CCDC83: variants seen among roughly 807,000 people sequenced by gnomAD.
CCDC83 encodes coiled-coil domain-containing protein 83.
CCDC83 carries 54 observed loss-of-function variants against 50.1 expected under a neutral mutation model. The ratio of observed to expected loss-of-function variants is 1.08; its 90% CI spans 0.87 to 1.35. CCDC83 has a LOEUF of 1.35. Ranked by LOEUF, CCDC83 falls within the 40% of genes most tolerant of loss-of-function variation. CCDC83 has a pLI of 0.00. For missense variants in CCDC83, 518 were observed against 473.9 expected, an observed-to-expected ratio of 1.09 and a Z score of -0.86; for synonymous variants, 161 against 153.3, an observed-to-expected ratio of 1.05 and a Z score of -0.37.
chr11:85,917,230 GA>G (rs1326749985), intron 10 of CCDC83, among the ~76,000 whole-genome samples: 8 of 134,384 alleles, frequency 6.0e-5, no homozygotes, highest in East Asian at 2.0e-4. Flanking sequence ...AAGAAAGAAA[GA>G]AAAGAAAGAA....
At chr11:85,905,392 A>G (rs888274238) in intron 7 of CCDC83, among the ~76,000 whole-genome samples, 1 of 148,948 alleles carries the variant, frequency 6.7e-6, no homozygotes, top group Non-Finnish European at 1.5e-5. Flanking sequence ...CAGTGAGCCG[A>G]GATTGCGCCA....
chr11:85,889,411 A>AT (rs1247215397), intron 5 of CCDC83, among the ~76,000 whole-genome samples: 3 of 152,226 alleles, frequency 2.0e-5, no homozygotes, highest in Non-Finnish European at 2.9e-5. Context: ...ATGTGGTTGT[A>AT]TTCAACTTTG....
intron 8 of CCDC83, among the ~76,000 whole-genome samples, chr11:85,912,417 G>A (rs547737089): frequency 2.1e-4 from 32 of 152,314 alleles, no homozygotes; most frequent in African/African-American, 7.5e-4. Context: ...GAGATAAGCT[G>A]GGTGGGGCAG....
At chr11:85,899,158 T>A in intron 7 of CCDC83, 143 bp downstream of exon 7, 1 of 604,476 alleles carries the variant, frequency 1.7e-6, no homozygotes. Flanking sequence ...GGAGTCCTCA[T>A]CTCATTACAA....
At chr11:85,857,309 G>GCAGTGGTC (rs1322237759) in intron 1 of CCDC83, among the ~76,000 whole-genome samples, 2 of 152,226 alleles carry the variant, frequency 1.3e-5, no homozygotes, top group African/African-American at 4.8e-5. Context: ...GTGCCAAGCT[G>GCAGTGGTC]CAGTGGTCCA....
intron 10 of CCDC83, among the ~76,000 whole-genome samples, chr11:85,917,159 A>AAG (rs1565159919): frequency 2.4e-4 from 24 of 101,780 alleles, no homozygotes; most frequent in African/African-American, 7.6e-4. Flanking sequence ...AGAGAGAGAG[A>AAG]GAGAGAGAGA....
intron 1 of CCDC83, among the ~76,000 whole-genome samples, chr11:85,861,095 G>A (rs1019166665): frequency 2.0e-5 from 3 of 152,160 alleles, no homozygotes; most frequent in Admixed American, 6.5e-5. Flanking sequence ...AAATATTAAA[G>A]GATACAACAT....
In CCDC83 at chr11:85,880,426, C is replaced by A. The variant is rs187244672; in HGVS notation, c.181-2087C>A. Among the ~76,000 whole-genome samples the A allele has an allele frequency of 2.0e-4, 30 of 152,192 alleles. 1 individual carries two copies. Among genetic ancestry groups the A allele is most frequent in the Admixed American group, 1.4e-3 (22 of 15,270 alleles). On this transcript the variant is annotated intron_variant, in intron 3 of 10. Coordinates refer to ENST00000342404, the MANE Select transcript of CCDC83 (RefSeq NM_001286159.2). ...AAGTAGCTGGGACTACAGGCATGCA[C>A]CACCACACCTGGCTAATTTTTAAAT...
intron 7 of CCDC83, among the ~76,000 whole-genome samples, chr11:85,899,689 T>C (rs879910140): frequency 6.6e-6 from 1 of 152,228 alleles, no homozygotes; most frequent in Non-Finnish European, 1.5e-5. Context: ...GTCTCATTAA[T>C]ACACAGAGCA....
At chr11:85,910,840 C>A (rs1486972049) in intron 7 of CCDC83, among the ~76,000 whole-genome samples, 2 of 152,126 alleles carry the variant, frequency 1.3e-5, no homozygotes, top group African/African-American at 4.8e-5. Context: ...TCCCCTCAGG[C>A]AAATGCACTT....
chr11:85,859,846 C>A (rs906705523), intron 1 of CCDC83, among the ~76,000 whole-genome samples: 1 of 152,128 alleles, frequency 6.6e-6, no homozygotes, highest in South Asian at 2.1e-4. Flanking sequence ...AGCTTCTGCA[C>A]AGCAAAAGAA....
At chr11:85,915,921 A>C in intron 9 of CCDC83, 107 bp from the exon 10 acceptor site, 1 of 760,822 alleles carries the variant, frequency 1.3e-6, no homozygotes, top group East Asian at 2.6e-5. Flanking sequence ...CTACATTTGC[A>C]ATTCTCAAAG....
intron 1 of CCDC83, among the ~76,000 whole-genome samples, chr11:85,862,200 C>G (rs184388235): frequency 1.2e-4 from 19 of 152,098 alleles, no homozygotes; most frequent in Non-Finnish European, 2.6e-4. Flanking sequence ...TGGCTTTTCA[C>G]TGAGAGGCGT....
At chr11:85,890,146 T>C (rs534317253) in intron 5 of CCDC83, among the ~76,000 whole-genome samples, 17 of 152,316 alleles carry the variant, frequency 1.1e-4, no homozygotes, top group Non-Finnish European at 2.4e-4. Context: ...TGGTTCAGTA[T>C]GTGTCCCCTG....
chr11:85,919,423 A>G lies in CCDC83; in HGVS notation c.1155A>G (p.Gln385=), dbSNP rs1261797246. 1.2e-6 allele frequency: 2 copies of G among 1,613,598 alleles called. No individual in the cohort carries two copies. Among genetic ancestry groups the G allele is most frequent in the Non-Finnish European group, 1.7e-6 (2 of 1,179,566 alleles). ...VESKKMPIHF[Q]EKEIPVKLYK... Reference sequence around the variant, plus strand: ...GCAAGAAAATGCCCATTCATTTTCAAGAGAAGGAAATTCCAGTCAAACTCT... The same window carrying G: ...GCAAGAAAATGCCCATTCATTTTCAGGAGAAGGAAATTCCAGTCAAACTCT... The change falls in exon 11 of 11, where the codon CAA becomes CAG. Residue 385 remains glutamine (Q), a synonymous_variant. Coordinates refer to ENST00000342404, the MANE Select transcript of CCDC83 (RefSeq NM_001286159.2).
chr11:85,901,554 C>T (rs2093402080), intron 7 of CCDC83, among the ~76,000 whole-genome samples: 1 of 146,636 alleles, frequency 6.8e-6, no homozygotes, highest in Non-Finnish European at 1.5e-5. Flanking sequence ...GCCTGGGCAA[C>T]AGATTGAGAC....
intron 3 of CCDC83, among the ~76,000 whole-genome samples, chr11:85,873,798 G>T (rs531263088): frequency 1.7e-4 from 26 of 152,234 alleles, no homozygotes; most frequent in African/African-American, 5.5e-4. Flanking sequence ...TGCTATATAT[G>T]ACTATCGGGA....
chr11:85,909,609 CTTTTTTTT>C (rs71468972), intron 7 of CCDC83, among the ~76,000 whole-genome samples: 48 of 57,696 alleles, frequency 8.3e-4, no homozygotes, highest in Middle Eastern at 0.015. Context: ...TCAAAATACA[CTTTTTTTT>C]TTTTTTTTTT....
rs564391812 is a variant in CCDC83 at position 85,892,455 on chromosome 11, A to G, written c.512-2838A>G. Among the ~76,000 whole-genome samples, 5 of 152,326 alleles carry G rather than the reference A, an allele frequency of 3.3e-5. 1 individual carries two copies. In the South Asian group the frequency reaches 1.0e-3, roughly 32 times the overall value. Reference sequence around the variant, plus strand: ...TCCTGGGTACTGTGTTTTTAAGAAGAAAAACGGTCCATACACTTTTATATG... The same window carrying G: ...TCCTGGGTACTGTGTTTTTAAGAAGGAAAACGGTCCATACACTTTTATATG... On this transcript the variant is annotated intron_variant, in intron 5 of 10. Transcript: ENST00000342404.
Sources: gnomAD v4.1 joint callset for allele counts (sites outside exome capture counted in the v4.1 genomes callset) on GRCh38, gnomAD v4.1.1 for gene constraint, MANE v1.5 for transcripts, NCBI Gene and HGNC (gene_info 2026-07-23, HGNC 2026-07-21) for gene names.